Variants in AKR1C3 observed in about 807,000 individuals in gnomAD.
AKR1C3 encodes the protein 3-alpha hydroxysteroid dehydrogenase, type II.
Under a neutral mutation model 43.6 loss-of-function variants are expected in AKR1C3, and 48 were observed. The observed-to-expected ratio is 1.10, with a 90% CI of 0.87 to 1.40. The LOEUF is 1.40. Among genes scored for constraint, AKR1C3 ranks in the 40% most tolerant of loss-of-function variants. The probability of loss-of-function intolerance (pLI) is 0.00; values close to 1 mark genes in which losing one functional copy is unlikely to be tolerated. For synonymous variants in AKR1C3, 162 were observed against 139.6 expected (o/e 1.16, Z -1.13); for missense variants, 482 against 391.2 (o/e 1.23, Z -1.96).
chr10:5,053,392 T>C (rs953170448), intron 1 of AKR1C3, among the ~76,000 whole-genome samples: 45 of 152,232 alleles, frequency 3.0e-4, no homozygotes, highest in Admixed American at 3.9e-4. Context: ...CCAGCCGCTC[T>C]GAGTGCAGGG....
chr10:5,058,687 G>A (rs1388863575), intron 1 of AKR1C3, among the ~76,000 whole-genome samples: 1 of 152,180 alleles, frequency 6.6e-6, no homozygotes, highest in African/African-American at 2.4e-5. Context: ...CCTGCTGGTT[G>A]GAATACTTGC....
At chr10:5,069,437 A>C (rs1479797486) in intron 1 of AKR1C3, among the ~76,000 whole-genome samples, 1 of 152,252 alleles carries the variant, frequency 6.6e-6, no homozygotes, top group African/African-American at 2.4e-5. Flanking sequence ...AAAGTTAGTT[A>C]GAATTTGATA....
chr10:5,092,991 A>T (rs1188839995), upstream of AKR1C3, among the ~76,000 whole-genome samples: 13 of 152,106 alleles, frequency 8.5e-5, no homozygotes, highest in Admixed American at 3.9e-4. Flanking sequence ...CATAAGCCCA[A>T]CATAAAACCC....
intron 1 of AKR1C3, among the ~76,000 whole-genome samples, chr10:5,076,161 A>G (rs1459748918): frequency 6.6e-6 from 1 of 152,146 alleles, no homozygotes; most frequent in Non-Finnish European, 1.5e-5. Context: ...CATAGCAACA[A>G]CTCTAGTAGT....
At chr10:5,096,604 G>A (rs375996339) in intron 2 of AKR1C3, 27 bp downstream of exon 2, 2 of 1,603,574 alleles carry the variant, frequency 1.2e-6, no homozygotes, top group African/African-American at 1.3e-5. Flanking sequence ...GAGCTTGTGT[G>A]CACATGTATT....
intron 1 of AKR1C3, among the ~76,000 whole-genome samples, chr10:5,062,854 TAAAA>T (rs57602420): frequency 4.3e-5 from 6 of 138,550 alleles, no homozygotes; most frequent in Non-Finnish European, 6.2e-5. Flanking sequence ...AACTCCTAGT[TAAAA>T]AAAAAAAAAA....
At chr10:5,084,685 G>C (rs1487408767) in intron 1 of AKR1C3, among the ~76,000 whole-genome samples, 2 of 152,066 alleles carry the variant, frequency 1.3e-5, no homozygotes, top group South Asian at 2.1e-4. Flanking sequence ...CCATTTTCAT[G>C]ATATTGATTC....
At chr10:5,077,599 G>A (rs1838741040) in intron 1 of AKR1C3, 2 of 934,892 alleles carry the variant, frequency 2.1e-6, no homozygotes, top group Non-Finnish European at 2.6e-6. Flanking sequence ...AAACATTAAA[G>A]TTGATTTAAT....
chr10:5,101,338 A>AT (rs1335292033), intron 5 of AKR1C3, among the ~76,000 whole-genome samples: 1 of 151,994 alleles, frequency 6.6e-6, no homozygotes, highest in Non-Finnish European at 1.5e-5. Context: ...TGTATTTATT[A>AT]TTTTTTGGAG....
intron 1 of AKR1C3, among the ~76,000 whole-genome samples, chr10:5,085,358 G>T (rs1172176495): frequency 2.2e-3 from 330 of 152,022 alleles, no homozygotes; most frequent in Non-Finnish European, 2.7e-3. Flanking sequence ...CTTTGGTTCT[G>T]TTTATATGCT....
chr10:5,080,962 T>C (rs1554782289), intron 1 of AKR1C3: 1 of 151,654 alleles, frequency 6.6e-6, no homozygotes, highest in East Asian at 1.9e-4. Context: ...TTCAAGGGAC[T>C]TTTGGCAGAT....
At chr10:5,055,660 A>G (rs1432800617) in intron 1 of AKR1C3, among the ~76,000 whole-genome samples, 1 of 133,720 alleles carries the variant, frequency 7.5e-6, no homozygotes, top group Non-Finnish European at 1.6e-5. Flanking sequence ...TCCAAGAGCT[A>G]TACTGGCTCT....
chr10:5,103,978 T>C (rs990962028), intron 7 of AKR1C3, among the ~76,000 whole-genome samples: 4 of 152,032 alleles, frequency 2.6e-5, no homozygotes, highest in Non-Finnish European at 5.9e-5. Flanking sequence ...ATGAGATAGA[T>C]TACACATACA....
chr10:5,078,413 C>T (rs1838759954), intron 1 of AKR1C3, among the ~76,000 whole-genome samples: 1 of 152,202 alleles, frequency 6.6e-6, no homozygotes, highest in Admixed American at 6.5e-5. Context: ...CACTGCACTC[C>T]AGCCTGGTCA....
intron 1 of AKR1C3, among the ~76,000 whole-genome samples, chr10:5,073,373 C>T (rs1271286613): frequency 1.3e-5 from 2 of 152,136 alleles, no homozygotes; most frequent in Admixed American, 6.6e-5. Flanking sequence ...TAAAGGAGAA[C>T]AGACTTGACA....
intron 1 of AKR1C3, among the ~76,000 whole-genome samples, chr10:5,063,764 G>GAAAAAAAAAAAAAAAAAAAAAAA (rs1406943359): frequency 1.8e-4 from 6 of 33,434 alleles, no homozygotes; most frequent in East Asian, 7.1e-4. Context: ...CTCTGTCTCA[G>GAAAAAAAAAAAAAAAAAAAAAAA]CAAAAAAAAA....
At chr10:5,105,553 A>C (rs782288947) in intron 7 of AKR1C3, 42 bp from the exon 8 acceptor site, 3 of 1,471,468 alleles carry the variant, frequency 2.0e-6, no homozygotes, top group Non-Finnish European at 2.8e-6. Flanking sequence ...GGGATTCACA[A>C]CTGGCAATCT....
At position 5,062,715 on chromosome 10, in the gene AKR1C3, C is replaced by T. The variant is rs532377449; in HGVS notation, c.84+13820C>T. ...ACTCCTAAGAAAAAATTTTAAATGT[C>T]GAATTTCTTTAGCAAGCATAACATG... On this transcript the variant is annotated intron_variant, in intron 1 of 8. Coordinates refer to the AKR1C3 transcript ENST00000439082. 5.9e-5 allele frequency among the ~76,000 whole-genome samples: 9 copies of T among 152,020 alleles called. No homozygotes were observed. In the East Asian group the frequency reaches 7.7e-4, roughly 13 times the overall value.
upstream of AKR1C3, among the ~76,000 whole-genome samples, chr10:5,089,571 T>C: frequency 6.6e-6 from 1 of 152,240 alleles, no homozygotes; most frequent in Middle Eastern, 3.4e-3. Context: ...ATTCCTTCAG[T>C]GAATTTTTTT....
Sources: allele counts gnomAD v4.1 joint callset (sites outside exome capture counted in the v4.1 genomes callset), GRCh38; gene constraint gnomAD v4.1.1; transcripts MANE v1.5; gene names NCBI Gene and HGNC (gene_info 2026-07-23, HGNC 2026-07-21).